TUBGCP5: variants seen among roughly 807,000 people sequenced by gnomAD.
TUBGCP5 encodes gamma-tubulin complex component 5.
Under a neutral mutation model 134.7 loss-of-function variants are expected in TUBGCP5, and 98 were observed. The ratio of observed to expected loss-of-function variants is 0.73; its 90% CI spans 0.62 to 0.86. The LOEUF (loss-of-function observed/expected upper bound fraction) is 0.86. Ranked by LOEUF, TUBGCP5 falls within the 40% of genes least tolerant of loss-of-function variation. The pLI is 0.00. For missense variants in TUBGCP5, 1,150 were observed against 1,244.8 expected (o/e 0.92, Z 1.15); for synonymous variants, 456 against 431.4 (o/e 1.06, Z -0.71).
chr15:23,029,615 G>A (rs921558717), intron 6 of TUBGCP5, among the ~76,000 whole-genome samples: 4 of 151,988 alleles, frequency 2.6e-5, no homozygotes, highest in Non-Finnish European at 1.5e-5. Context: ...AAAGAGCAGT[G>A]ATTCACATCT....
At chr15:23,030,601 T>TAA (rs10632423) in intron 6 of TUBGCP5, among the ~76,000 whole-genome samples, 3,353 of 119,450 alleles carry the variant, frequency 0.028, 118 homozygotes, top group African/African-American at 0.081. Context: ...CTTCTCCAAT[T>TAA]AAAAAAAAAA....
chr15:23,008,861 G>A lies in TUBGCP5; in HGVS notation c.2165C>T (p.Ala722Val), dbSNP rs781371535. The change falls in exon 16 of 23, where the codon GCT becomes GTT. Residue 722 changes from alanine to valine, a missense_variant. This residue lies in a region of TUBGCP5 where 697 missense variants were observed against 850.1 expected (regional missense o/e 0.82). Transcript: ENST00000615383. The stretch of plus-strand genomic sequence containing the variant: ...TTCCATTAAGAAAAAATTCCTCATA[G>A]CTTGCAAGTATTCTACCAACCTGAA... Reference protein sequence around the residue: ...KDYRLVEYLQAMRNFFLMEGG... With the variant: ...KDYRLVEYLQVMRNFFLMEGG... The A allele has an allele frequency of 7.0e-6, 11 of 1,574,074 alleles. No homozygotes were observed. Among genetic ancestry groups the A allele is most frequent in the Non-Finnish European group, 9.4e-6 (11 of 1,167,660 alleles).
rs1002312230 is a variant in TUBGCP5 at position 23,013,556 on chromosome 15, C to T, written c.1757-2225G>A. Among the ~76,000 whole-genome samples the T allele has an allele frequency of 6.6e-6, 1 of 152,144 alleles. No homozygotes were observed. Among genetic ancestry groups the T allele is most frequent in the Non-Finnish European group, 1.5e-5 (1 of 68,030 alleles). ...AGGAGGGCAGTGTGGAGGCTTCCAG[C>T]CTCTGCAGCTTCGCAGAACAGGCTG... On this transcript the variant is annotated intron_variant, in intron 13 of 22. Coordinates refer to ENST00000615383, the MANE Select transcript of TUBGCP5 (RefSeq NM_052903.6). The surrounding 1 kb of genome is among the most constrained non-coding windows in gnomAD (Gnocchi z 4.5).
At chr15:23,021,717 T>C (rs1329461022) in intron 11 of TUBGCP5, among the ~76,000 whole-genome samples, 2 of 152,210 alleles carry the variant, frequency 1.3e-5, no homozygotes, top group Non-Finnish European at 2.9e-5. Context: ...TGTAAATATC[T>C]ATACACATCA....
intron 23 of TUBGCP5, among the ~76,000 whole-genome samples, chr15:22,988,271 A>G (rs1462655331): frequency 6.6e-6 from 1 of 151,878 alleles, no homozygotes; most frequent in African/African-American, 2.4e-5. Context: ...CCAGAAAAAG[A>G]GGCAGTGTGA....
intron 9 of TUBGCP5, 115 bp from the exon 10 acceptor site, chr15:23,024,308 T>G: frequency 8.4e-7 from 1 of 1,187,126 alleles, no homozygotes; most frequent in Non-Finnish European, 1.2e-6. Flanking sequence ...GTATGTTTAG[T>G]AGAAGACAAA....
At chr15:23,022,984 T>G (rs1361870188) in intron 10 of TUBGCP5, 1 of 152,088 alleles carries the variant, frequency 6.6e-6, no homozygotes, top group African/African-American at 2.4e-5. Flanking sequence ...TTCACAACAG[T>G]AAAAATGTAT....
intron 13 of TUBGCP5, among the ~76,000 whole-genome samples, chr15:23,016,169 G>A (rs1244499528): frequency 1.3e-5 from 2 of 152,148 alleles, no homozygotes; most frequent in South Asian, 2.1e-4. Flanking sequence ...AGAAACAGAT[G>A]TTTAACAAAC....
chr15:23,009,411 G>GGCGCCCGGCACC (rs1284809675), intron 15 of TUBGCP5, among the ~76,000 whole-genome samples: 1 of 151,878 alleles, frequency 6.6e-6, no homozygotes, highest in Non-Finnish European at 1.5e-5. Flanking sequence ...TGGGACTACA[G>GGCGCCCGGCACC]GCGCCCGGCA....
chr15:23,008,699 CG>C lies in TUBGCP5; in HGVS notation c.2326del (p.Arg776ValfsTer21). 1 of 1,606,068 alleles carries C rather than the reference CG, an allele frequency of 6.2e-7. No individual in the cohort carries two copies. Among genetic ancestry groups the C allele is most frequent in the Non-Finnish European group, 8.5e-7 (1 of 1,178,148 alleles). ...VGQRYPEDSS[R>X]LSISFENVDT... ...AATAAAGGTGGCGTCCATATTTTAC[CG>C]TGAACTATCTTCAGGATAACGCTGT... On this transcript the variant is annotated frameshift_variant and splice_region_variant, in exon 16 of 23. Coordinates refer to ENST00000615383, the MANE Select transcript of TUBGCP5 (RefSeq NM_052903.6). LOFTEE classifies it high-confidence loss of function.
In TUBGCP5 at chr15:23,018,058, G is replaced by C; in HGVS notation, c.1488-17C>G. On this transcript the variant is annotated splice_polypyrimidine_tract_variant and intron_variant, in intron 12 of 22. Coordinates refer to ENST00000615383, the MANE Select transcript of TUBGCP5 (RefSeq NM_052903.6). ...TTTTTGTTTCTAAAGAGATTCAAAA[G>C]AATTTTAAACTCTTATTTCTCTTTC... 1 of 1,591,190 alleles carries C rather than the reference G, an allele frequency of 6.3e-7. No individual in the cohort carries two copies. The highest frequency in any genetic ancestry group is 8.6e-7 in the Non-Finnish European group (1 of 1,167,700).
intron 6 of TUBGCP5, among the ~76,000 whole-genome samples, chr15:23,029,257 T>C (rs796443105): frequency 7.2e-5 from 11 of 152,328 alleles, no homozygotes; most frequent in African/African-American, 2.6e-4. Flanking sequence ...GTTTTGCTCT[T>C]GTTGCCCAGG....
At chr15:22,987,161 C>T (rs567768639) in intron 23 of TUBGCP5, among the ~76,000 whole-genome samples, 7 of 151,892 alleles carry the variant, frequency 4.6e-5, no homozygotes, top group African/African-American at 1.7e-4. Context: ...GGAGAAACCC[C>T]ATCTCTACTA....
At chr15:23,025,913 T>C (rs1347676350) in intron 8 of TUBGCP5, among the ~76,000 whole-genome samples, 1 of 151,902 alleles carries the variant, frequency 6.6e-6, no homozygotes, top group Non-Finnish European at 1.5e-5. Flanking sequence ...AAGTAAATCA[T>C]ATGCTAAATT....
At chr15:23,027,337 T>C (rs2066036942) in intron 6 of TUBGCP5, 31 bp from the exon 7 acceptor site, 1 of 1,572,516 alleles carries the variant, frequency 6.4e-7, no homozygotes, top group Non-Finnish European at 8.7e-7. Context: ...CAGTTTGAGT[T>C]AACAACAACA....
intron 11 of TUBGCP5, among the ~76,000 whole-genome samples, chr15:23,020,316 A>T (rs1305569296): frequency 2.0e-5 from 3 of 152,094 alleles, no homozygotes; most frequent in African/African-American, 7.2e-5. Flanking sequence ...CTAAGGCAGG[A>T]GAATAGTTTG....
intron 23 of TUBGCP5, among the ~76,000 whole-genome samples, chr15:22,987,984 A>G (rs1490210566): frequency 1.3e-5 from 2 of 148,414 alleles, no homozygotes; most frequent in Non-Finnish European, 3.0e-5. Context: ...GACAACAGCC[A>G]CTGAGAACCA....
chr15:23,030,927 G>A lies in TUBGCP5; in HGVS notation c.580C>T (p.Gln194Ter). ...IQVDRTPLEE[Q>*]DQNRKLDPCI... is the part of the protein sequence containing the mutation. ...GGATCCAGTTTTCTGTTTTGATCTT[G>A]TTCTTCTAACGGTGTCCTGTCTACC... The change falls in exon 6 of 23, where the codon CAA becomes TAA. Residue 194 changes from glutamine to a stop codon, truncating the protein, a stop_gained. Transcript: ENST00000615383. LOFTEE classifies it high-confidence loss of function. The A allele has an allele frequency of 6.2e-7, 1 of 1,613,430 alleles. No homozygotes were observed.
intron 19 of TUBGCP5, among the ~76,000 whole-genome samples, chr15:23,005,030 GA>G (rs1302143280): frequency 6.6e-6 from 1 of 152,120 alleles, no homozygotes; most frequent in South Asian, 2.1e-4. Context: ...TTGTTTTTAA[GA>G]AAAAAGTCTA....
Sources: gnomAD v4.1 joint callset for allele counts (sites outside exome capture counted in the v4.1 genomes callset) on GRCh38, gnomAD v4.1.1 for gene constraint, gnomAD v4.1.1 regional missense constraint, Gnocchi (gnomAD v3.1) non-coding constraint, MANE v1.5 for transcripts, NCBI Gene and HGNC (gene_info 2026-07-23, HGNC 2026-07-21) for gene names.